DNMBP: variants seen among roughly 807,000 people sequenced by gnomAD.
The protein encoded by DNMBP is dynamin binding protein, also known as dynamin-binding protein.
DNMBP carries 87 observed loss-of-function variants against 150.0 expected under a neutral mutation model. The observed-to-expected ratio is 0.58, with a 90% CI of 0.49 to 0.69. The LOEUF is 0.69. DNMBP is among the 30% of genes least tolerant of loss of function. The probability of loss-of-function intolerance (pLI) is 0.00; values close to 1 mark genes in which losing one functional copy is unlikely to be tolerated. For synonymous variants in DNMBP, 711 were observed against 750.4 expected, an observed-to-expected ratio of 0.95 and a Z score of 0.86; for missense variants, 1,774 against 1,949.0, an observed-to-expected ratio of 0.91 and a Z score of 1.69.
chr10:99,929,713 T>G lies in DNMBP; in HGVS notation c.2261-20567A>C, dbSNP rs1046218427. On this transcript the variant is annotated intron_variant, in intron 4 of 16. Coordinates refer to ENST00000324109, the MANE Select transcript of DNMBP (RefSeq NM_015221.4). ...CTCCAAGTCTCTGGGCCATTTAATT[T>G]TTTCTCTTCCTCTAAATGCCAGATG... is the stretch of plus-strand genomic sequence containing the variant. 2.6e-5 allele frequency: 18 copies of G among 702,824 alleles called. No individual in the cohort carries two copies. In the African/African-American group the frequency reaches 3.0e-4, roughly 12 times the overall value. The allele number at this position is 702,824 out of a possible 1,614,324, so 43.5% of individuals were successfully genotyped here.
Position 99,955,412 on chromosome 10 carries a change from T to C in DNMBP, c.2062A>G (p.Thr688Ala), listed in dbSNP as rs748596286. Reference protein sequence around the residue: ...PGHMGRSLDQTSPCPLVLVRI... With the variant: ...PGHMGRSLDQASPCPLVLVRI... ...ACCAGCACTAAGGGGCATGGGGAGGTCTGGTCCAGACTCCTTCCCATATGA... is the reference window on the plus strand; with the variant it reads ...ACCAGCACTAAGGGGCATGGGGAGGCCTGGTCCAGACTCCTTCCCATATGA... Residue 688 changes from threonine (T) to alanine (A), a missense_variant, in exon 4 of 17, where the codon ACC (threonine) becomes GCC (alanine). Coordinates refer to ENST00000324109, the MANE Select transcript of DNMBP (RefSeq NM_015221.4). 2.5e-6 allele frequency: 4 copies of C among 1,613,836 alleles called. No individual in the cohort carries two copies. The South Asian group carries it at 4.4e-5, about 18-fold the overall frequency.
intron 3 of DNMBP, among the ~76,000 whole-genome samples, chr10:99,958,728 A>C (rs1271913546): frequency 2.0e-5 from 3 of 152,258 alleles, no homozygotes; most frequent in East Asian, 3.8e-4. Context: ...CATTTGGAAT[A>C]ACTGAGTAGC....
At position 99,903,101 on chromosome 10, in the gene DNMBP, A is replaced by ATTT. The variant is rs35462310; in HGVS notation, c.2555-3038_2555-3036dup. Among the ~76,000 whole-genome samples the ATTT allele has an allele frequency of 3.8e-4, 51 of 134,440 alleles. 2 individuals carry two copies. The highest frequency in any genetic ancestry group is 1.4e-3 in the South Asian group (6 of 4,232). The allele number at this position is 134,440 out of a possible 152,430, so 88.2% of individuals were successfully genotyped here. A position where few individuals can be genotyped will look rare whatever the true frequency, so the allele number is the denominator to read the frequency against. ...AGGTATGTGCTACCACACCTGGGCA[A>ATTT]TTTTTTTTTTTTTTTTTTTTGTAGA... is the stretch of plus-strand genomic sequence containing the variant. On this transcript the variant is annotated intron_variant, in intron 6 of 16. Transcript: ENST00000324109.
At position 99,877,043 on chromosome 10, in the gene DNMBP, C is replaced by A; in HGVS notation, c.*108G>T. 4 of 993,112 alleles carry A rather than the reference C, an allele frequency of 4.0e-6. No individual in the cohort carries two copies. In the East Asian group the frequency reaches 7.5e-5, roughly 19 times the overall value. The allele number at this position is 993,112 out of a possible 1,614,324, so 61.5% of individuals were successfully genotyped here. A position where few individuals can be genotyped will look rare whatever the true frequency, so the allele number is the denominator to read the frequency against. On this transcript the variant is annotated 3_prime_UTR_variant, in exon 17 of 17. Coordinates refer to ENST00000324109, the MANE Select transcript of DNMBP (RefSeq NM_015221.4). Reference sequence around the variant, plus strand: ...GCTCCACCATGCCATGGTTAAGCAACGCAGACAGGGCCTGTGTCTCAGGAG... The same window carrying A: ...GCTCCACCATGCCATGGTTAAGCAAAGCAGACAGGGCCTGTGTCTCAGGAG...
chr10:99,887,167 C>A (rs1208091386), intron 12 of DNMBP, among the ~76,000 whole-genome samples: 2 of 151,626 alleles, frequency 1.3e-5, no homozygotes, highest in Non-Finnish European at 2.9e-5. Context: ...CAGCTCACTG[C>A]AGCCTCAGCC....
chr10:99,990,776 CATAT>C (rs1327444426), intron 1 of DNMBP, among the ~76,000 whole-genome samples: 1 of 109,072 alleles, frequency 9.2e-6, no homozygotes, highest in African/African-American at 4.1e-5. Context: ...CATATATACA[CATAT>C]ATACACACAT....
Position 99,943,339 on chromosome 10 carries a change from T to C in DNMBP, c.2260+11875A>G, listed in dbSNP as rs1052801294. 2.0e-5 allele frequency among the ~76,000 whole-genome samples: 3 copies of C among 152,100 alleles called. No individual in the cohort carries two copies. The East Asian group carries it at 5.8e-4, about 29-fold the overall frequency. ...AGAATGATTTGGCTATTTAATTCTA[T>C]TATCTGTTACTAGTTTGAGAAGGAA... On this transcript the variant is annotated intron_variant, in intron 4 of 16. Coordinates refer to ENST00000324109, the MANE Select transcript of DNMBP (RefSeq NM_015221.4).
chr10:99,967,865 G>A (rs2040636184), intron 3 of DNMBP, among the ~76,000 whole-genome samples: 2 of 152,048 alleles, frequency 1.3e-5, no homozygotes, highest in African/African-American at 4.8e-5. Flanking sequence ...GACACTACTG[G>A]TTTCTCTGTT....
In DNMBP at chr10:99,886,560, G is replaced by C; in HGVS notation, c.3358C>G (p.Leu1120Val). The change falls in exon 13 of 17, where the codon CTG (leucine) becomes GTG (valine). Residue 1120 changes from leucine (L) to valine (V), a missense_variant. This residue lies in a region of DNMBP where 1,430 missense variants were observed against 1,492.5 expected (regional missense o/e 0.96). Transcript: ENST00000324109. ...LLSMFTGPHK[L>V]VQKRFDKLLD... ...AGCTTGTCAAAGCGTTTCTGTACCA[G>C]CTTATGGGGCCCTGTAAACATGCTC... 3.1e-6 allele frequency: 5 copies of C among 1,614,174 alleles called. No homozygotes were observed. Among genetic ancestry groups the C allele is most frequent in the Non-Finnish European group, 3.4e-6 (4 of 1,180,028 alleles).
chr10:99,890,002 C>A (rs1037131234), intron 11 of DNMBP, among the ~76,000 whole-genome samples: 3 of 152,178 alleles, frequency 2.0e-5, no homozygotes, highest in African/African-American at 7.2e-5. Flanking sequence ...GTTTCCCATT[C>A]CTAAGCAAAG....
In DNMBP at chr10:99,977,997, G is replaced by A. The variant is rs1185217844; in HGVS notation, c.-10-5863C>T. On this transcript the variant is annotated intron_variant, in intron 1 of 16. Transcript: ENST00000324109. ...TGTCTTGGACTTCTTCATCCTCTAT[G>A]GCAGACGGTACACTAAGAACAACAG... is the stretch of plus-strand genomic sequence containing the variant. Among the ~76,000 whole-genome samples, 3 of 152,152 alleles carry A rather than the reference G, an allele frequency of 2.0e-5. No homozygotes were observed. In the East Asian group the frequency reaches 5.8e-4, roughly 29 times the overall value.
chr10:99,975,911 G>A (rs1429175635), intron 1 of DNMBP, among the ~76,000 whole-genome samples: 1 of 152,162 alleles, frequency 6.6e-6, no homozygotes, highest in Non-Finnish European at 1.5e-5. Flanking sequence ...CTAGGTACAT[G>A]CATTTACCAT....
chr10:100,001,189 C>A (rs2041006632), intron 1 of DNMBP, among the ~76,000 whole-genome samples: 1 of 126,434 alleles, frequency 7.9e-6, no homozygotes, highest in African/African-American at 3.0e-5. Context: ...CGAGATGGCA[C>A]CACTGCACTC....
chr10:99,920,578 C>A (rs192775249), intron 4 of DNMBP, among the ~76,000 whole-genome samples: 8 of 152,172 alleles, frequency 5.3e-5, no homozygotes, highest in African/African-American at 9.7e-5. Context: ...CTCCCTCCTA[C>A]CTGTGTGACC....
intron 2 of DNMBP, 81 bp from the exon 3 acceptor site, chr10:99,969,318 C>T: frequency 6.8e-7 from 1 of 1,474,964 alleles, no homozygotes; most frequent in Non-Finnish European, 9.4e-7. Flanking sequence ...AACTTTTCTT[C>T]TGAGTCCATG....
chr10:99,936,041 G>A (rs1343268823), intron 4 of DNMBP, among the ~76,000 whole-genome samples: 2 of 152,254 alleles, frequency 1.3e-5, no homozygotes, highest in South Asian at 2.1e-4. Flanking sequence ...GGTACTGAGT[G>A]AGAAGGAAAT....
chr10:99,969,059 C>G, intron 3 of DNMBP, 56 bp downstream of exon 3: 1 of 1,600,792 alleles, frequency 6.2e-7, no homozygotes, highest in Non-Finnish European at 8.5e-7. Flanking sequence ...GTTGTCGAAA[C>G]GGGCAGACTC....
chr10:99,970,598 G>C (rs986281026), intron 2 of DNMBP, among the ~76,000 whole-genome samples: 8 of 152,066 alleles, frequency 5.3e-5, no homozygotes, highest in African/African-American at 1.9e-4. Flanking sequence ...TGAAAGAAAG[G>C]GTAGAAAATG....
In DNMBP at chr10:99,877,305, C is replaced by A. The variant is rs1450724397; in HGVS notation, c.4580G>T (p.Arg1527Leu). 1 of 1,613,252 alleles carries A rather than the reference C, an allele frequency of 6.2e-7. No individual in the cohort carries two copies. Among genetic ancestry groups the A allele is most frequent in the African/African-American group, 1.3e-5 (1 of 74,892 alleles). Residue 1527 changes from arginine to leucine, a missense_variant, in exon 17 of 17, where the codon CGA (arginine) becomes CTA (leucine). Arg to Leu is a moderately radical substitution (Grantham distance 102). This residue lies in a region of DNMBP where 1,430 missense variants were observed against 1,492.5 expected (regional missense o/e 0.96). Transcript: ENST00000324109. The stretch of plus-strand genomic sequence containing the variant: ...TGACACGCTCAGCTCATTTGGGTTT[C>A]GTGCCTTGAAGGTGTAGACAGCAAA... ...VYFAVYTFKA[R>L]NPNELSVSAN... is the part of the protein sequence containing the mutation.
Sources: allele counts gnomAD v4.1 joint callset (sites outside exome capture counted in the v4.1 genomes callset), GRCh38; gene constraint gnomAD v4.1.1; regional missense constraint gnomAD v4.1.1; transcripts MANE v1.5; gene names NCBI Gene and HGNC (gene_info 2026-07-23, HGNC 2026-07-21).